The following KLHL8 variants were observed in gnomAD, a reference collection of about 807,000 sequenced individuals.
The protein encoded by KLHL8 is kelch-like protein 8.
In KLHL8, 38 loss-of-function variants were observed where a neutral mutation model predicts 63.5. That is an observed-to-expected ratio of 0.60 (90% CI 0.46 to 0.78). The LOEUF (loss-of-function observed/expected upper bound fraction) is 0.78, where lower values mean the gene tolerates loss of function less well. Ranked by LOEUF, KLHL8 falls within the 30% of genes least tolerant of loss-of-function variation. KLHL8 has a pLI of 0.00. For synonymous variants in KLHL8, 224 were observed against 254.3 expected (o/e 0.88, Z 1.13); for missense variants, 566 against 752.4 (o/e 0.75, Z 2.90).
chr4:87,229,466 A>C (rs1733098150), intron 1 of KLHL8, among the ~76,000 whole-genome samples: 3 of 138,624 alleles, frequency 2.2e-5, no homozygotes, highest in African/African-American at 5.5e-5. Context: ...ACAGGGTCTC[A>C]CTCTGTCACC....
intron 1 of KLHL8, among the ~76,000 whole-genome samples, chr4:87,203,021 C>T (rs1731977937): frequency 1.3e-5 from 2 of 152,218 alleles, no homozygotes; most frequent in East Asian, 3.9e-4. Context: ...ATATAGTCTA[C>T]CATATTACCA....
intron 1 of KLHL8, among the ~76,000 whole-genome samples, chr4:87,205,984 C>G (rs552030215): frequency 6.6e-6 from 1 of 152,234 alleles, no homozygotes; most frequent in South Asian, 2.1e-4. Context: ...AAACCAAGGT[C>G]CTTATCTTCT....
chr4:87,175,575 G>A (rs1175430513), intron 6 of KLHL8, among the ~76,000 whole-genome samples: 2 of 151,996 alleles, frequency 1.3e-5, no homozygotes, highest in Non-Finnish European at 2.9e-5. Flanking sequence ...TCCGTCTTTG[G>A]AATCCTGATT....
At chr4:87,204,483 T>C (rs1467985173) in intron 1 of KLHL8, among the ~76,000 whole-genome samples, 1 of 152,164 alleles carries the variant, frequency 6.6e-6, no homozygotes, top group African/African-American at 2.4e-5. Context: ...GAGAAATGAA[T>C]GCTCGTGTTT....
intron 6 of KLHL8, among the ~76,000 whole-genome samples, chr4:87,174,697 T>C (rs909090707): frequency 2.0e-5 from 3 of 152,230 alleles, no homozygotes; most frequent in African/African-American, 7.2e-5. Flanking sequence ...ATTATTCTAG[T>C]ATCTAGTTTT....
chr4:87,223,335 G>T (rs1732917835), upstream of KLHL8, among the ~76,000 whole-genome samples: 1 of 152,044 alleles, frequency 6.6e-6, no homozygotes. Context: ...GAGCACAACT[G>T]CTCTTTTTCT....
intron 1 of KLHL8, chr4:87,208,189 G>C: frequency 2.9e-6 from 1 of 339,832 alleles, no homozygotes; most frequent in Non-Finnish European, 5.8e-6. Context: ...ACTACACTGA[G>C]AATCTCCCCT....
intron 1 of KLHL8, among the ~76,000 whole-genome samples, chr4:87,196,856 C>G (rs1043071613): frequency 6.6e-6 from 1 of 152,156 alleles, no homozygotes; most frequent in Admixed American, 6.5e-5. Context: ...CATCTATAAA[C>G]AGGGATACCT....
Position 87,178,561 on chromosome 4 carries a change from A to G in KLHL8, c.1012T>C (p.Cys338Arg). The G allele has an allele frequency of 6.2e-7, 1 of 1,611,806 alleles. No homozygotes were observed. Among genetic ancestry groups the G allele is most frequent in the Non-Finnish European group, 8.5e-7 (1 of 1,179,592 alleles). Residue 338 changes from cysteine to arginine, a missense_variant, in exon 5 of 10, where the codon TGC becomes CGC. Physicochemically the swap from Cys to Arg is radical, Grantham distance 180. Coordinates refer to ENST00000273963, the MANE Select transcript of KLHL8 (RefSeq NM_020803.5). ...CAACTGTTTTTGTTGATAGAATAGC[A>G]TTCAATACTGCGAAAGGGGTCACCA... ...GSGDPFRSIECYSINKNSWFF... is the reference protein window; with the variant it reads ...GSGDPFRSIERYSINKNSWFF...
At position 87,185,770 on chromosome 4, in the gene KLHL8, C is replaced by T; in HGVS notation, c.246G>A (p.Lys82=). Residue 82 remains lysine, a synonymous_variant, in exon 3 of 10, where the codon AAG becomes AAA. Coordinates refer to ENST00000273963, the MANE Select transcript of KLHL8 (RefSeq NM_020803.5). The part of the protein sequence containing the change: ...KVGSKLISCH[K]LVLACVIPYF... ...AGGGAATAACACAAGCCAATACCAG[C>T]TTGTGACAAGAGATTAGCTTTGAGC... The T allele has an allele frequency of 6.2e-7, 1 of 1,610,786 alleles. No homozygotes were observed. Among genetic ancestry groups the T allele is most frequent in the Admixed American group, 1.7e-5 (1 of 59,534 alleles).
At position 87,170,382 on chromosome 4, in the gene KLHL8, C is replaced by G. The variant is rs1730590612; in HGVS notation, c.1377+65G>C. The G allele has an allele frequency of 2.7e-6, 4 of 1,506,738 alleles. No homozygotes were observed. In the South Asian group the frequency reaches 5.2e-5, roughly 20 times the overall value. The allele number at this position is 1,506,738 out of a possible 1,614,324, so 93.3% of individuals were successfully genotyped here. ...TCATACTGGTGATGATATATTGGACCTTTCCTTATTTTGGTTATGAATGTA... is the reference window on the plus strand; with the variant it reads ...TCATACTGGTGATGATATATTGGACGTTTCCTTATTTTGGTTATGAATGTA... On this transcript the variant is annotated intron_variant, in intron 7 of 9. Coordinates refer to ENST00000273963, the MANE Select transcript of KLHL8 (RefSeq NM_020803.5).
chr4:87,168,672 G>T (rs999091654), intron 8 of KLHL8, among the ~76,000 whole-genome samples: 9 of 144,872 alleles, frequency 6.2e-5, no homozygotes, highest in Non-Finnish European at 1.0e-4. Flanking sequence ...ATATATATGT[G>T]TGTATATATG....
chr4:87,220,651 G>A (rs1401831448), upstream of KLHL8: 1 of 152,058 alleles, frequency 6.6e-6, no homozygotes, highest in Non-Finnish European at 1.5e-5. Flanking sequence ...GGCTGCGCAC[G>A]GCACTCTGGG....
intron 1 of KLHL8, among the ~76,000 whole-genome samples, chr4:87,232,741 T>C (rs1312974155): frequency 6.6e-6 from 1 of 152,222 alleles, no homozygotes; most frequent in Non-Finnish European, 1.5e-5. Context: ...CTTGTGGTTT[T>C]AATTTTTCCC....
rs1408946034 is a variant in KLHL8 at position 87,226,729 on chromosome 4, TATATA to T, written n.58-5344_58-5340del. Among the ~76,000 whole-genome samples the T allele has an allele frequency of 3.8e-4, 11 of 28,824 alleles. 3 individuals carry two copies. The highest frequency in any genetic ancestry group is 2.2e-3 in the African/African-American group (11 of 4,892). The allele number at this position is 28,824 out of a possible 152,430, so 18.9% of individuals were successfully genotyped here. On this transcript the variant is annotated intron_variant and non_coding_transcript_variant, in intron 1 of 1. Coordinates refer to the KLHL8 transcript ENST00000506274. ...TATAATATATATTATTTATATATAATATATATTATTTATATATAATATATATTATT... is the reference window on the plus strand; with the variant it reads ...TATAATATATATTATTTATATATAATTTATTTATATATAATATATATTATT...
intron 6 of KLHL8, among the ~76,000 whole-genome samples, chr4:87,171,251 G>T (rs1438855095): frequency 6.6e-6 from 1 of 151,912 alleles, no homozygotes; most frequent in Non-Finnish European, 1.5e-5. Flanking sequence ...CTATTATTTT[G>T]TCACTAGCTT....
chr4:87,226,888 T>TATATATAAATAATATATA (rs1560723826), intron 1 of KLHL8, among the ~76,000 whole-genome samples: 24 of 29,660 alleles, frequency 8.1e-4, no homozygotes, highest in Admixed American at 1.4e-3. Context: ...TAATATATAT[T>TATATATAAATAATATATA]ATATATAAAT....
chr4:87,218,170 T>C (rs962216666), intron 1 of KLHL8, among the ~76,000 whole-genome samples: 8 of 152,176 alleles, frequency 5.3e-5, no homozygotes, highest in African/African-American at 1.9e-4. Flanking sequence ...TCAGTTTTGT[T>C]GTGAACTTAC....
intron 8 of KLHL8, among the ~76,000 whole-genome samples, chr4:87,164,970 A>C (rs929437516): frequency 1.1e-4 from 17 of 151,886 alleles, no homozygotes; most frequent in Non-Finnish European, 4.4e-5. Flanking sequence ...AACACGGTGA[A>C]ACCCCGTCTC....
Sources: allele counts gnomAD v4.1 joint callset (sites outside exome capture counted in the v4.1 genomes callset), GRCh38; gene constraint gnomAD v4.1.1; transcripts MANE v1.5; gene names NCBI Gene and HGNC (gene_info 2026-07-23, HGNC 2026-07-21).